ATG10: variants seen among roughly 807,000 people sequenced by gnomAD.
ATG10 encodes autophagy related 10.
A neutral mutation model predicts 32.1 loss-of-function variants in ATG10; 30 were observed. The observed-to-expected ratio is 0.94, with a 90% CI of 0.70 to 1.27. The LOEUF (loss-of-function observed/expected upper bound fraction) is 1.27. Ranked by LOEUF, ATG10 falls within the 50% of genes most tolerant of loss-of-function variation. ATG10 has a pLI of 0.00. For missense variants in ATG10, 233 were observed against 262.3 expected (o/e 0.89, Z 0.77); for synonymous variants, 87 against 91.5 (o/e 0.95, Z 0.28).
intron 2 of ATG10, among the ~76,000 whole-genome samples, chr5:81,996,727 A>G (rs879336477): frequency 9.9e-5 from 15 of 152,194 alleles, no homozygotes; most frequent in Non-Finnish European, 1.9e-4. Flanking sequence ...AGTGGTTAAG[A>G]CCTTGGCCTT....
At chr5:82,056,342 G>A (rs1295223591) in intron 2 of ATG10, among the ~76,000 whole-genome samples, 3 of 151,672 alleles carry the variant, frequency 2.0e-5, no homozygotes, top group Non-Finnish European at 4.4e-5. Context: ...AAATAATGTA[G>A]TCAGAATGTG....
At chr5:82,076,390 A>G (rs994609165) in intron 3 of ATG10, among the ~76,000 whole-genome samples, 1 of 152,234 alleles carries the variant, frequency 6.6e-6, no homozygotes. Flanking sequence ...TCTTTTCAAC[A>G]GTATTATTAT....
chr5:82,236,552 C>A (rs1746558990), intron 5 of ATG10, among the ~76,000 whole-genome samples: 1 of 152,108 alleles, frequency 6.6e-6, no homozygotes, highest in African/African-American at 2.4e-5. Flanking sequence ...TTTCTGGCCT[C>A]TCTATGGAGC....
At chr5:82,060,154 A>G (rs1490152346) in intron 3 of ATG10, among the ~76,000 whole-genome samples, 1 of 152,204 alleles carries the variant, frequency 6.6e-6, no homozygotes, top group African/African-American at 2.4e-5. Flanking sequence ...CTAGGAATTT[A>G]GCCTCATAAA....
rs565360147 is a variant in ATG10, at chr5:82,255,968, C to T, written c.*1905C>T. On this transcript the variant is annotated 3_prime_UTR_variant, in exon 8 of 8. Coordinates refer to ENST00000282185, the MANE Select transcript of ATG10 (RefSeq NM_031482.5). The stretch of plus-strand genomic sequence containing the variant: ...GCCCATATTCATGCTAGGATGAGAG[C>T]CGGCTTAAATGCTTGCTGGGCATTT... 6.6e-6 allele frequency: 1 copy of T among 152,344 alleles called. No individual in the cohort carries two copies. The highest frequency in any genetic ancestry group is 1.9e-4 in the East Asian group (1 of 5,192). The allele number at this position is 152,344 out of a possible 1,614,324, so 9.4% of individuals were successfully genotyped here.
At chr5:82,081,473 C>T (rs991717833) in intron 3 of ATG10, among the ~76,000 whole-genome samples, 1 of 152,156 alleles carries the variant, frequency 6.6e-6, no homozygotes, top group Non-Finnish European at 1.5e-5. Flanking sequence ...TTTGCCCATC[C>T]AGTATGATAT....
chr5:81,985,277 A>G (rs1761225370), intron 1 of ATG10, among the ~76,000 whole-genome samples: 3 of 152,216 alleles, frequency 2.0e-5, no homozygotes, highest in Non-Finnish European at 2.9e-5. Context: ...ATCTTTCAGT[A>G]TATGTCAGGA....
chr5:81,981,737 T>C (rs1270622717), intron 1 of ATG10, among the ~76,000 whole-genome samples: 1 of 152,248 alleles, frequency 6.6e-6, no homozygotes, highest in Non-Finnish European at 1.5e-5. Context: ...TTGATGTACA[T>C]TGATTTATAG....
intron 2 of ATG10, among the ~76,000 whole-genome samples, chr5:82,039,326 A>G (rs1763019444): frequency 6.6e-6 from 1 of 152,204 alleles, no homozygotes; most frequent in Admixed American, 6.5e-5. Flanking sequence ...AGAAGCAGGG[A>G]ATTAAGAAGA....
chr5:82,217,435 ATATAT>A (rs958545619), intron 5 of ATG10, among the ~76,000 whole-genome samples: 4 of 152,114 alleles, frequency 2.6e-5, no homozygotes, highest in South Asian at 2.1e-4. Flanking sequence ...CTATGTGCTT[ATATAT>A]TATATTACCT....
intron 2 of ATG10, among the ~76,000 whole-genome samples, chr5:81,990,330 C>G (rs1160146391): frequency 6.6e-6 from 1 of 151,848 alleles, no homozygotes; most frequent in Non-Finnish European, 1.5e-5. Flanking sequence ...AGTTTTTTTT[C>G]TTTAAGAAAT....
At chr5:82,084,109 A>G (rs1015143701) in intron 3 of ATG10, among the ~76,000 whole-genome samples, 1 of 152,224 alleles carries the variant, frequency 6.6e-6, no homozygotes, top group African/African-American at 2.4e-5. Flanking sequence ...ATGGCTAACT[A>G]GAATAAACAG....
In ATG10 at chr5:81,987,443, C is replaced by A. The variant is rs893681296; in HGVS notation, c.-12-116C>A. 11 of 716,720 alleles carry A rather than the reference C, an allele frequency of 1.5e-5. No homozygotes were observed. In the East Asian group the frequency reaches 1.9e-4, roughly 12 times the overall value. The allele number at this position is 716,720 out of a possible 1,614,324, so 44.4% of individuals were successfully genotyped here. ...CCTGGCCAAAACCATTTTTTAGTGG[C>A]CTTGAGGCCATTCTACATCCCAAAT... On this transcript the variant is annotated intron_variant, in intron 1 of 7. Coordinates refer to ENST00000282185, the MANE Select transcript of ATG10 (RefSeq NM_031482.5).
chr5:81,991,437 A>G (rs1303216651), intron 2 of ATG10, among the ~76,000 whole-genome samples: 1 of 152,184 alleles, frequency 6.6e-6, no homozygotes, highest in Non-Finnish European at 1.5e-5. Flanking sequence ...TACTAAAATC[A>G]AGAGTGAACA....
At chr5:82,072,143 G>A (rs1311167392) in intron 3 of ATG10, among the ~76,000 whole-genome samples, 1 of 152,102 alleles carries the variant, frequency 6.6e-6, no homozygotes, top group African/African-American at 2.4e-5. Flanking sequence ...GAGGTTTGAG[G>A]GGTTAGGCAA....
At chr5:82,107,910 C>T (rs1205658291) in intron 3 of ATG10, among the ~76,000 whole-genome samples, 3 of 151,866 alleles carry the variant, frequency 2.0e-5, no homozygotes, top group African/African-American at 4.8e-5. Context: ...TAAGAGGTTT[C>T]CAAAAATGGA....
intron 5 of ATG10, among the ~76,000 whole-genome samples, chr5:82,235,658 G>A (rs902892307): frequency 2.0e-5 from 3 of 152,194 alleles, no homozygotes; most frequent in Non-Finnish European, 2.9e-5. Flanking sequence ...TGACTAGAGA[G>A]ACAGAGAAAT....
intron 3 of ATG10, among the ~76,000 whole-genome samples, chr5:82,131,006 A>G (rs1425220923): frequency 6.6e-6 from 1 of 152,094 alleles, no homozygotes; most frequent in Non-Finnish European, 1.5e-5. Context: ...CTCACTTATA[A>G]TTTGGAGCTA....
At chr5:82,014,526 C>T (rs1397881597) in intron 2 of ATG10, among the ~76,000 whole-genome samples, 1 of 152,042 alleles carries the variant, frequency 6.6e-6, no homozygotes, top group Admixed American at 6.6e-5. Context: ...TATTGGGTGC[C>T]TATATATTTA....
Sources: allele counts gnomAD v4.1 joint callset (sites outside exome capture counted in the v4.1 genomes callset), GRCh38; gene constraint gnomAD v4.1.1; transcripts MANE v1.5; gene names NCBI Gene and HGNC (gene_info 2026-07-23, HGNC 2026-07-21).